OSBPL9: variants seen among roughly 807,000 people sequenced by gnomAD.
The protein encoded by OSBPL9 is oxysterol-binding protein-related protein 9.
In OSBPL9, 40 loss-of-function variants were observed where a neutral mutation model predicts 106.6. The ratio of observed to expected loss-of-function variants is 0.38; its 90% CI spans 0.29 to 0.49. OSBPL9 has a LOEUF of 0.49. OSBPL9 is among the 20% of genes least tolerant of loss of function. OSBPL9 has a pLI of 0.97. For synonymous variants in OSBPL9, 269 were observed against 295.4 expected (o/e 0.91, Z 0.92); for missense variants, 609 against 887.2 (o/e 0.69, Z 3.98).
At chr1:51,785,578 G>T in intron 20 of OSBPL9, 1 of 527,448 alleles carries the variant, frequency 1.9e-6, no homozygotes, top group Non-Finnish European at 3.3e-6. Context: ...CCCAGAATAG[G>T]ACGTTCTTGC....
At chr1:51,685,774 T>A (rs886796709) in intron 3 of OSBPL9, among the ~76,000 whole-genome samples, 1 of 152,216 alleles carries the variant, frequency 6.6e-6, no homozygotes, top group Non-Finnish European at 1.5e-5. Flanking sequence ...CATTCATTCT[T>A]AGGATCATGG....
At chr1:51,637,575 C>T (rs953561940) in intron 1 of OSBPL9, among the ~76,000 whole-genome samples, 2 of 152,202 alleles carry the variant, frequency 1.3e-5, no homozygotes, top group African/African-American at 4.8e-5. Context: ...AAAGCACTAG[C>T]ACAGTGTCTG....
intron 4 of OSBPL9, chr1:51,724,833 TG>T: frequency 3.8e-6 from 1 of 264,324 alleles, no homozygotes; most frequent in East Asian, 9.4e-5. Flanking sequence ...CTGGGGTTTA[TG>T]GAGACTTCCT....
intron 3 of OSBPL9, among the ~76,000 whole-genome samples, chr1:51,695,653 G>A (rs1477515546): frequency 1.3e-5 from 2 of 152,164 alleles, no homozygotes; most frequent in Non-Finnish European, 2.9e-5. Flanking sequence ...AACGGAACTA[G>A]GGGTGTCTGA....
chr1:51,560,880 A>G, the OSBPL9 span: 1 of 152,214 alleles, frequency 6.6e-6, no homozygotes, highest in Non-Finnish European at 1.5e-5. Flanking sequence ...CTTTATCCCT[A>G]GAAGCACCTC....
intron 4 of OSBPL9, among the ~76,000 whole-genome samples, chr1:51,740,756 T>C (rs1277983185): frequency 6.6e-6 from 1 of 152,220 alleles, no homozygotes; most frequent in Non-Finnish European, 1.5e-5. Flanking sequence ...TCAGCCTTCC[T>C]GTTCTACCTT....
chr1:51,769,927 A>G (rs928623128), intron 12 of OSBPL9, among the ~76,000 whole-genome samples: 3 of 152,194 alleles, frequency 2.0e-5, no homozygotes, highest in Non-Finnish European at 2.9e-5. Flanking sequence ...GATTGACTCT[A>G]TTTTGAGATA....
intron 2 of OSBPL9, among the ~76,000 whole-genome samples, chr1:51,667,752 TACCC>T (rs2148756385): frequency 6.6e-6 from 1 of 152,332 alleles, no homozygotes; most frequent in South Asian, 2.1e-4. Context: ...TGCACGTGCT[TACCC>T]ACTGAAGTGT....
rs1043457913 is a variant in OSBPL9 at position 51,676,525 on chromosome 1, G to A, written c.241+7013G>A. Among the ~76,000 whole-genome samples the A allele has an allele frequency of 4.6e-5, 7 of 152,100 alleles. No individual in the cohort carries two copies. In the South Asian group the frequency reaches 1.5e-3, roughly 32 times the overall value. On this transcript the variant is annotated intron_variant, in intron 3 of 23. Coordinates refer to ENST00000428468, the MANE Select transcript of OSBPL9 (RefSeq NM_024586.6). ...TGACGCTAATTAGCCGGGAGTGGTG[G>A]TGATGTGCCTGTAATCCCAGCTACT...
In OSBPL9 at chr1:51,597,423, ATGTGTGTGTGTGTGTGTG is replaced by A. The variant is rs71063046; in HGVS notation, c.-422-681_-422-664del. The stretch of plus-strand genomic sequence containing the variant: ...AATATATGTGTGTATATATATATAT[ATGTGTGTGTGTGTGTGTG>A]TGTGTGTGTGTGTGTGTGTATATAC... On this transcript the variant is annotated intron_variant, in intron 1 of 25. Transcript: ENST00000371714. 7.4e-5 allele frequency among the ~76,000 whole-genome samples: 10 copies of A among 135,840 alleles called. No individual in the cohort carries two copies. The South Asian group carries it at 1.2e-3, about 16-fold the overall frequency. The allele number at this position is 135,840 out of a possible 152,430, so 89.1% of individuals were successfully genotyped here. A position where few individuals can be genotyped will look rare whatever the true frequency, so the allele number is the denominator to read the frequency against.
intron 1 of OSBPL9, among the ~76,000 whole-genome samples, chr1:51,646,630 T>C (rs1042198420): frequency 1.3e-5 from 2 of 152,016 alleles, no homozygotes; most frequent in African/African-American, 2.4e-5. Flanking sequence ...TACAACCTCC[T>C]GGGTTCAAGC....
intron 4 of OSBPL9, among the ~76,000 whole-genome samples, chr1:51,726,771 T>C (rs1663200911): frequency 6.6e-6 from 1 of 152,248 alleles, no homozygotes; most frequent in Non-Finnish European, 1.5e-5. Context: ...GGTTTTTTCC[T>C]TTTTCAACTC....
chr1:51,644,401 A>G (rs930540222), intron 1 of OSBPL9, among the ~76,000 whole-genome samples: 1 of 152,104 alleles, frequency 6.6e-6, no homozygotes, highest in African/African-American at 2.4e-5. Flanking sequence ...ATCTCGGCTC[A>G]CTGCAACCTC....
the OSBPL9 span, among the ~76,000 whole-genome samples, chr1:51,551,881 C>A: frequency 6.6e-6 from 1 of 151,900 alleles, no homozygotes; most frequent in South Asian, 2.1e-4. Context: ...GTGTGAGACA[C>A]CGTGTCCAGC....
chr1:51,677,395 T>A (rs530407988), intron 3 of OSBPL9, among the ~76,000 whole-genome samples: 2 of 152,368 alleles, frequency 1.3e-5, no homozygotes, highest in East Asian at 3.9e-4. Flanking sequence ...TTTTGGATTG[T>A]CTGTATGTCC....
intron 3 of OSBPL9, among the ~76,000 whole-genome samples, chr1:51,677,811 A>G (rs983991554): frequency 2.6e-5 from 4 of 152,126 alleles, no homozygotes; most frequent in African/African-American, 4.8e-5. Context: ...GGCCTCCCAA[A>G]GTGCTGGGAT....
chr1:51,761,843 A>G (rs1432875516), intron 10 of OSBPL9, 24 bp from the exon 11 acceptor site: 1 of 1,545,270 alleles, frequency 6.5e-7, no homozygotes, highest in African/African-American at 1.4e-5. Flanking sequence ...TCTGTACCTT[A>G]TTTTATACGT....
chr1:51,710,342 T>C (rs571249750), intron 3 of OSBPL9, among the ~76,000 whole-genome samples: 1 of 152,348 alleles, frequency 6.6e-6, no homozygotes, highest in Admixed American at 6.5e-5. Context: ...TGTTCTGTGT[T>C]AGGTGTGCTG....
intron 2 of OSBPL9, among the ~76,000 whole-genome samples, chr1:51,667,783 G>A (rs1648871793): frequency 1.3e-5 from 2 of 152,302 alleles, no homozygotes; most frequent in Middle Eastern, 3.4e-3. Context: ...ATTTGCTGTC[G>A]TGGAATAGCT....
Sources: gnomAD v4.1 joint callset for allele counts (sites outside exome capture counted in the v4.1 genomes callset) on GRCh38, gnomAD v4.1.1 for gene constraint, MANE v1.5 for transcripts, NCBI Gene and HGNC (gene_info 2026-07-23, HGNC 2026-07-21) for gene names.